SETD1A: variants seen among roughly 807,000 people sequenced by gnomAD.
SETD1A encodes SET domain containing 1A, histone lysine methyltransferase.
A neutral mutation model predicts 149.9 loss-of-function variants in SETD1A; 29 were observed. The observed-to-expected ratio is 0.19, with a 90% CI of 0.14 to 0.26. SETD1A has a LOEUF of 0.26. Among genes scored for constraint, SETD1A ranks in the 10% least tolerant of loss-of-function variants. SETD1A has a pLI of 1.00. For synonymous variants in SETD1A, 1,141 were observed against 968.5 expected (o/e 1.18, Z -3.31); for missense variants, 2,109 against 2,353.1 (o/e 0.90, Z 2.15).
At chr16:30,976,593 A>G (rs1174583806) in intron 13 of SETD1A, among the ~76,000 whole-genome samples, 2 of 152,048 alleles carry the variant, frequency 1.3e-5, no homozygotes, top group African/African-American at 4.8e-5. Context: ...CTAGAGGGAA[A>G]CTGAAGGATG....
intron 3 of SETD1A, 55 bp downstream of exon 3, chr16:30,959,241 G>A (rs1006584038): frequency 2.7e-5 from 30 of 1,113,314 alleles, no homozygotes; most frequent in Admixed American, 8.4e-5. Flanking sequence ...TGGAGGATGC[G>A]TCTTGGCACT....
In SETD1A at chr16:30,959,199, T is replaced by G. The variant is rs758084385; in HGVS notation, c.246+13T>G. ...CCCTAAGTTTAAGGTAAGTGTCTGC[T>G]GGGCTCCTGGTGTGGTAGTCCTAAG... On this transcript the variant is annotated intron_variant, in intron 3 of 18. Coordinates refer to ENST00000262519, the MANE Select transcript of SETD1A (RefSeq NM_014712.3). The G allele has an allele frequency of 6.5e-7, 1 of 1,541,852 alleles. No individual in the cohort carries two copies. Among genetic ancestry groups the G allele is most frequent in the Non-Finnish European group, 9.0e-7 (1 of 1,114,120 alleles).
chr16:30,976,264 G>A (rs1198433610), intron 13 of SETD1A, among the ~76,000 whole-genome samples: 1 of 152,136 alleles, frequency 6.6e-6, no homozygotes, highest in Non-Finnish European at 1.5e-5. Context: ...ACATGCCTGT[G>A]GTCCCAGCTT....
At chr16:30,979,012 A>G (rs1286813522) in intron 13 of SETD1A, 133 bp from the exon 14 acceptor site, 12 of 865,308 alleles carry the variant, frequency 1.4e-5, no homozygotes, top group Non-Finnish European at 2.1e-5. Flanking sequence ...GGCTGAGGCC[A>G]GGGCGTCTGT....
At chr16:30,963,278 G>A (rs954609609) in intron 4 of SETD1A, among the ~76,000 whole-genome samples, 155 bp from the exon 5 acceptor site, 1 of 152,162 alleles carries the variant, frequency 6.6e-6, no homozygotes, top group Non-Finnish European at 1.5e-5. Flanking sequence ...AAGGTAGAAG[G>A]TCCCAAAGGT....
chr16:30,963,769 GAT>G (rs1246910325), intron 5 of SETD1A, among the ~76,000 whole-genome samples: 1 of 152,234 alleles, frequency 6.6e-6, no homozygotes, highest in Non-Finnish European at 1.5e-5. Context: ...GAGGCGGGTG[GAT>G]CATGAGGTCA....
At position 30,980,375 on chromosome 16, in the gene SETD1A, CCT is replaced by C. The variant is rs1211756877; in HGVS notation, c.4409-108_4409-107del. The C allele has an allele frequency of 6.9e-7, 1 of 1,458,686 alleles. No homozygotes were observed. Among genetic ancestry groups the C allele is most frequent in the Admixed American group, 2.2e-5 (1 of 45,914 alleles). The allele number at this position is 1,458,686 out of a possible 1,614,324, so 90.4% of individuals were successfully genotyped here. A position where few individuals can be genotyped will look rare whatever the true frequency, so the allele number is the denominator to read the frequency against. ...GGCAGGAACGATGGGGCTGGGGCTT[CCT>C]CCCCTGTCCCTCACCTGGGTATGCT... On this transcript the variant is annotated intron_variant, in intron 14 of 18. Coordinates refer to ENST00000262519, the MANE Select transcript of SETD1A (RefSeq NM_014712.3). This position sits in a 1 kb window ranked among gnomAD's most constrained non-coding sequence, Gnocchi z 7.7.
At chr16:30,964,530 G>A (rs755090967) in intron 6 of SETD1A, 82 bp from the exon 7 acceptor site, 6 of 1,550,542 alleles carry the variant, frequency 3.9e-6, no homozygotes, top group Non-Finnish European at 5.2e-6. Context: ...CAGCATAGAG[G>A]GGCTTTGGGC....
intron 3 of SETD1A, among the ~76,000 whole-genome samples, chr16:30,959,553 A>G (rs969559653): frequency 6.6e-5 from 10 of 152,140 alleles, no homozygotes; most frequent in African/African-American, 2.4e-4. Context: ...CTACCTGGGT[A>G]GCACTATTCC....
chr16:30,978,199 G>A (rs1375706804), intron 13 of SETD1A, among the ~76,000 whole-genome samples: 3 of 151,796 alleles, frequency 2.0e-5, no homozygotes, highest in Admixed American at 6.6e-5. Context: ...GCTTGAACCC[G>A]GGAGGCGGAG....
At chr16:30,975,908 G>A (rs1412258097) in intron 13 of SETD1A, among the ~76,000 whole-genome samples, 1 of 152,106 alleles carries the variant, frequency 6.6e-6, no homozygotes, top group African/African-American at 2.4e-5. Flanking sequence ...TGAAGGGAAC[G>A]GGCCAGGTAG....
In SETD1A at chr16:30,980,601, A is replaced by C. The variant is rs2056360895; in HGVS notation, c.4525A>C (p.Lys1509Gln). 1 of 1,613,988 alleles carries C rather than the reference A, an allele frequency of 6.2e-7. No homozygotes were observed. The highest frequency in any genetic ancestry group is 1.7e-5 in the Admixed American group (1 of 60,036). ...YYPISKKEKD[K>Q]YLDVCPVSAR... ...CCCCATCAGCAAGAAGGAGAAGGACAAGTACCTGGACGTGTGCCCAGTCTC... is the reference window on the plus strand; with the variant it reads ...CCCCATCAGCAAGAAGGAGAAGGACCAGTACCTGGACGTGTGCCCAGTCTC... Residue 1509 changes from lysine (K) to glutamine (Q), a missense_variant, in exon 15 of 19, where the codon AAG becomes CAG. Coordinates refer to ENST00000262519, the MANE Select transcript of SETD1A (RefSeq NM_014712.3). The surrounding 1 kb of genome is among the most constrained non-coding windows in gnomAD (Gnocchi z 7.7).
Position 30,979,845 on chromosome 16 carries a change from A to C in SETD1A, c.4059A>C (p.Gln1353His), listed in dbSNP as rs966415115. Residue 1353 changes from glutamine (Q) to histidine (H), a missense_variant, in exon 14 of 19, where the codon CAA becomes CAC. Gln to His is a conservative substitution (Grantham distance 24). This residue lies in a region of SETD1A where 832 missense variants were observed against 815.6 expected (regional missense o/e 1.02). Coordinates refer to ENST00000262519, the MANE Select transcript of SETD1A (RefSeq NM_014712.3). Reference sequence around the variant, plus strand: ...AGGCGGAGGAGCCCAAGCCGCAGCAACTGCAGCAGCAGCGGGAGGAGGGCG... The same window carrying C: ...AGGCGGAGGAGCCCAAGCCGCAGCACCTGCAGCAGCAGCGGGAGGAGGGCG... ...VAEAEEPKPQ[Q>H]LQQQREEGEE... 1 of 1,547,652 alleles carries C rather than the reference A, an allele frequency of 6.5e-7. No individual in the cohort carries two copies. Among genetic ancestry groups the C allele is most frequent in the Non-Finnish European group, 8.7e-7 (1 of 1,152,950 alleles).
chr16:30,973,555 C>T (rs1480150186), intron 13 of SETD1A, among the ~76,000 whole-genome samples: 1 of 151,972 alleles, frequency 6.6e-6, no homozygotes, highest in Non-Finnish European at 1.5e-5. Flanking sequence ...CTTGGGAGAT[C>T]GAGGCACGAG....
chr16:30,978,523 C>G (rs2056315977), intron 13 of SETD1A, among the ~76,000 whole-genome samples: 1 of 152,146 alleles, frequency 6.6e-6, no homozygotes, highest in African/African-American at 2.4e-5. Context: ...ATCCTGGGAT[C>G]TCCACTCCAG....
In SETD1A at chr16:30,965,019, G is replaced by A. The variant is rs150067357; in HGVS notation, c.1277G>A (p.Arg426Gln). ...EPSRPTDQDYRPPASEAPPPE... is the reference protein window; with the variant it reads ...EPSRPTDQDYQPPASEAPPPE... ...AGCCGGCCCACCGACCAGGACTACC[G>A]GCCTCCTGCCTCAGAGGCTCCACCC... Residue 426 changes from arginine to glutamine, a missense_variant, in exon 7 of 19, where the codon CGG (arginine) becomes CAG (glutamine). By Grantham distance (43) the Arg-to-Gln change is conservative. Coordinates refer to ENST00000262519, the MANE Select transcript of SETD1A (RefSeq NM_014712.3). 8 of 1,612,972 alleles carry A rather than the reference G, an allele frequency of 5.0e-6. No homozygotes were observed. Among genetic ancestry groups the A allele is most frequent in the Admixed American group, 1.7e-5 (1 of 59,956 alleles).
Position 30,984,289 on chromosome 16 carries a change from G to A in SETD1A, c.*266G>A. The A allele has an allele frequency of 4.1e-6, 2 of 489,248 alleles. No individual in the cohort carries two copies. Among genetic ancestry groups the A allele is most frequent in the Non-Finnish European group, 7.4e-6 (2 of 269,958 alleles). The allele number at this position is 489,248 out of a possible 1,614,324, so 30.3% of individuals were successfully genotyped here. A position where few individuals can be genotyped will look rare whatever the true frequency, so the allele number is the denominator to read the frequency against. On this transcript the variant is annotated 3_prime_UTR_variant, in exon 19 of 19. Coordinates refer to ENST00000262519, the MANE Select transcript of SETD1A (RefSeq NM_014712.3). The stretch of plus-strand genomic sequence containing the variant: ...TTGTAGCAGCCAGCAGCTGTTTCCT[G>A]TGGAAACCTGGGGTGCCGGCCTGTA...
Position 30,969,617 on chromosome 16 carries a change from G to T in SETD1A, c.2944G>T (p.Glu982Ter). ...TTTTCTTAAGGATGAGGAGGATGAC[G>T]AGGAAGATGAGGAAGATGAAGATCG... The part of the protein sequence containing the change: ...SSSEKDEEDD[E>*]EDEEDEDREE... Residue 982 changes from glutamate (E) to a stop codon, truncating the protein, a stop_gained, in exon 12 of 19, where the codon GAG becomes TAG. Transcript: ENST00000262519. LOFTEE classifies it high-confidence loss of function. 1 of 1,613,856 alleles carries T rather than the reference G, an allele frequency of 6.2e-7. No individual in the cohort carries two copies. The highest frequency in any genetic ancestry group is 8.5e-7 in the Non-Finnish European group (1 of 1,179,810).
intron 13 of SETD1A, among the ~76,000 whole-genome samples, chr16:30,978,842 G>T (rs990619955): frequency 6.6e-6 from 1 of 152,208 alleles, no homozygotes; most frequent in Non-Finnish European, 1.5e-5. Flanking sequence ...TCTCAGCGTG[G>T]TTACAGCTTG....
Sources: gnomAD v4.1 joint callset for allele counts (sites outside exome capture counted in the v4.1 genomes callset) on GRCh38, gnomAD v4.1.1 for gene constraint, gnomAD v4.1.1 regional missense constraint, Gnocchi (gnomAD v3.1) non-coding constraint, MANE v1.5 for transcripts, NCBI Gene and HGNC (gene_info 2026-07-23, HGNC 2026-07-21) for gene names.